Variants in GRIK4 observed in about 807,000 individuals in gnomAD.
GRIK4 encodes glutamate ionotropic receptor kainate type subunit 4.
GRIK4 carries 40 observed loss-of-function variants against 104.9 expected under a neutral mutation model. That is an observed-to-expected ratio of 0.38 (90% CI 0.30 to 0.50). The LOEUF is 0.50. Ranked by LOEUF, GRIK4 falls within the 20% of genes least tolerant of loss-of-function variation. The pLI, the probability that GRIK4 is intolerant of heterozygous loss-of-function variation, is 0.93. For synonymous variants in GRIK4, 485 were observed against 524.9 expected (o/e 0.92, Z 1.04); for missense variants, 1,047 against 1,308.1 (o/e 0.80, Z 3.08).
intron 18 of GRIK4, among the ~76,000 whole-genome samples, chr11:120,963,208 A>G (rs140789424): frequency 6.6e-6 from 1 of 152,318 alleles, no homozygotes; most frequent in African/African-American, 2.4e-5. Context: ...TGATCCATCT[A>G]TGGTAGGTCG....
At chr11:120,585,729 T>G (rs1215787546) in intron 1 of GRIK4, among the ~76,000 whole-genome samples, 4 of 151,714 alleles carry the variant, frequency 2.6e-5, no homozygotes, top group Non-Finnish European at 5.9e-5. Context: ...GTTTTTGTTT[T>G]TTTTTTTTGC....
chr11:120,805,256 G>C (rs890026348), intron 4 of GRIK4, among the ~76,000 whole-genome samples: 1 of 152,150 alleles, frequency 6.6e-6, no homozygotes, highest in Non-Finnish European at 1.5e-5. Flanking sequence ...CAAGGGTCCA[G>C]ATTTCTAAAT....
intron 1 of GRIK4, among the ~76,000 whole-genome samples, chr11:120,593,554 A>G (rs111265248): frequency 2.7e-5 from 4 of 147,892 alleles, no homozygotes; most frequent in African/African-American, 1.0e-4. Context: ...CTCCCCCTTT[A>G]CTCCTGTCTA....
intron 2 of GRIK4, among the ~76,000 whole-genome samples, chr11:120,654,364 T>C (rs554363910): frequency 1.7e-4 from 26 of 152,066 alleles, no homozygotes; most frequent in Non-Finnish European, 2.9e-4. Flanking sequence ...ATTATTATTA[T>C]CATTATTATT....
In GRIK4 at chr11:120,905,218, G is replaced by C; in HGVS notation, c.1273-72G>C. On this transcript the variant is annotated intron_variant, in intron 12 of 20. Transcript: ENST00000527524. The surrounding 1 kb of genome is among the most constrained non-coding windows in gnomAD (Gnocchi z 5.1). ...GTCCTCCCCGACCCTCTGTGCCCCT[G>C]GCCCTCCCCATCACACGCGGGTGAG... The C allele has an allele frequency of 9.0e-7, 1 of 1,107,606 alleles. No individual in the cohort carries two copies. Among genetic ancestry groups the C allele is most frequent in the East Asian group, 2.4e-5 (1 of 42,500 alleles). The allele number at this position is 1,107,606 out of a possible 1,614,324, so 68.6% of individuals were successfully genotyped here.
At chr11:120,930,554 T>C (rs1179465778) in intron 13 of GRIK4, among the ~76,000 whole-genome samples, 1 of 152,210 alleles carries the variant, frequency 6.6e-6, no homozygotes, top group Non-Finnish European at 1.5e-5. Context: ...AGTCCAGGCA[T>C]CCTGTACTAA....
At chr11:120,743,616 A>G (rs535670096) in intron 3 of GRIK4, among the ~76,000 whole-genome samples, 9 of 152,096 alleles carry the variant, frequency 5.9e-5, no homozygotes, top group Non-Finnish European at 1.0e-4. Context: ...GTATAATAGA[A>G]TCTTGGAATT....
chr11:120,690,974 A>T (rs1950350371), intron 3 of GRIK4, among the ~76,000 whole-genome samples: 1 of 152,018 alleles, frequency 6.6e-6, no homozygotes, highest in Non-Finnish European at 1.5e-5. Context: ...AAGCCTTCTA[A>T]TTCCTTTAAT....
intron 3 of GRIK4, among the ~76,000 whole-genome samples, chr11:120,674,414 C>A (rs1161198933): frequency 6.6e-6 from 1 of 152,206 alleles, no homozygotes; most frequent in Non-Finnish European, 1.5e-5. Context: ...AAACACATCC[C>A]CCTGCCCTGG....
chr11:120,587,051 C>A (rs1948674607), intron 1 of GRIK4, among the ~76,000 whole-genome samples: 1 of 152,162 alleles, frequency 6.6e-6, no homozygotes, highest in African/African-American at 2.4e-5. Flanking sequence ...ATTGATTAAA[C>A]AATCGAGGCG....
chr11:120,629,987 A>G (rs1483926877), intron 1 of GRIK4, among the ~76,000 whole-genome samples: 1 of 152,230 alleles, frequency 6.6e-6, no homozygotes, highest in South Asian at 2.1e-4. Context: ...CAGCACCAAA[A>G]TAAAAGGCAC....
chr11:120,841,644 G>T (rs1168784351), intron 8 of GRIK4, among the ~76,000 whole-genome samples: 1 of 152,148 alleles, frequency 6.6e-6, no homozygotes. Flanking sequence ...GAGTGGAATT[G>T]CTGGGTCATG....
chr11:120,562,866 A>C (rs1948257024), intron 1 of GRIK4, among the ~76,000 whole-genome samples: 1 of 152,160 alleles, frequency 6.6e-6, no homozygotes, highest in African/African-American at 2.4e-5. Context: ...TATCGTGTGG[A>C]AAAGGGAGGA....
chr11:120,897,145 T>C (rs1806632488), intron 11 of GRIK4, among the ~76,000 whole-genome samples: 1 of 151,586 alleles, frequency 6.6e-6, no homozygotes, highest in Non-Finnish European at 1.5e-5. Flanking sequence ...TAAGACCCCA[T>C]GTCTTATTAA....
intron 3 of GRIK4, among the ~76,000 whole-genome samples, chr11:120,662,029 G>A (rs1031694781): frequency 6.6e-6 from 1 of 152,190 alleles, no homozygotes; most frequent in Non-Finnish European, 1.5e-5. Context: ...AGTGAATAAA[G>A]TGGCAACCCA....
At chr11:120,686,417 A>G (rs1950277668) in intron 3 of GRIK4, among the ~76,000 whole-genome samples, 1 of 152,202 alleles carries the variant, frequency 6.6e-6, no homozygotes, top group Non-Finnish European at 1.5e-5. Flanking sequence ...ACCTTGTATT[A>G]TAATTATTTA....
chr11:120,586,527 T>A (rs1948666212), intron 1 of GRIK4, among the ~76,000 whole-genome samples: 1 of 152,038 alleles, frequency 6.6e-6, no homozygotes, highest in Admixed American at 6.6e-5. Context: ...CTCAGAGACA[T>A]GTTTTAGGTG....
chr11:120,978,237 T>C (rs1944593610), intron 19 of GRIK4, among the ~76,000 whole-genome samples: 1 of 152,224 alleles, frequency 6.6e-6, no homozygotes, highest in Admixed American at 6.5e-5. Context: ...AATCCAGATA[T>C]ATAAACTAGT....
intron 1 of GRIK4, among the ~76,000 whole-genome samples, chr11:120,568,274 A>G (rs925267942): frequency 6.6e-6 from 1 of 152,204 alleles, no homozygotes; most frequent in Admixed American, 6.5e-5. Flanking sequence ...ATAATAAGAC[A>G]GTTTCTCCTG....
Sources: allele counts gnomAD v4.1 joint callset (sites outside exome capture counted in the v4.1 genomes callset), GRCh38; gene constraint gnomAD v4.1.1; non-coding constraint Gnocchi (gnomAD v3.1); transcripts MANE v1.5; gene names NCBI Gene and HGNC (gene_info 2026-07-23, HGNC 2026-07-21).